The following SDK1 variants were observed in gnomAD, a reference collection of about 807,000 sequenced individuals.
SDK1 encodes protein sidekick-1.
Under a neutral mutation model 245.5 loss-of-function variants are expected in SDK1, and 157 were observed. The ratio of observed to expected loss-of-function variants is 0.64; its 90% CI spans 0.56 to 0.73. SDK1 has a LOEUF of 0.73. SDK1 is among the 30% of genes least tolerant of loss of function. SDK1 has a pLI of 0.00. For missense variants in SDK1, 3,583 were observed against 3,002.3 expected, an observed-to-expected ratio of 1.19 and a Z score of -4.52; for synonymous variants, 1,647 against 1,278.5, an observed-to-expected ratio of 1.29 and a Z score of -6.15.
rs748321155 is a variant in SDK1, at chr7:3,987,274, G to C, written c.2083G>C (p.Asp695His). The change falls in exon 14 of 45, where the codon GAT becomes CAT. Residue 695 changes from aspartate (D) to histidine (H), a missense_variant. By Grantham distance (81) the Asp-to-His change is moderately conservative (BLOSUM62 -1). Coordinates refer to ENST00000404826, the MANE Select transcript of SDK1 (RefSeq NM_152744.4). ...AVVLSWVRPF[D>H]GNSPILYYIV... is the part of the protein sequence containing the mutation. The stretch of plus-strand genomic sequence containing the variant: ...GGTGCTCTCTTGGGTCCGGCCCTTT[G>C]ATGGAAACAGTCCTATTCTTTATTA... 3.1e-6 allele frequency: 5 copies of C among 1,614,028 alleles called. No homozygotes were observed. In the African/African-American group the frequency reaches 4.0e-5, roughly 13 times the overall value.
chr7:3,752,688 TA>T (rs1779808217), intron 4 of SDK1, among the ~76,000 whole-genome samples: 4 of 152,208 alleles, frequency 2.6e-5, no homozygotes, highest in Admixed American at 2.0e-4. Context: ...CCTCAATTCT[TA>T]AAACTCCGTG....
At chr7:3,436,316 A>G (rs1780020661) in intron 1 of SDK1, among the ~76,000 whole-genome samples, 1 of 152,196 alleles carries the variant, frequency 6.6e-6, no homozygotes, top group Non-Finnish European at 1.5e-5. Flanking sequence ...TGATTACGAA[A>G]TAATTGATTA....
intron 25 of SDK1, among the ~76,000 whole-genome samples, chr7:4,123,472 G>A (rs924878443): frequency 2.0e-5 from 3 of 152,138 alleles, no homozygotes; most frequent in Admixed American, 1.3e-4. Flanking sequence ...TGGGAGCTCT[G>A]TGCAGGCCCA....
intron 5 of SDK1, among the ~76,000 whole-genome samples, chr7:3,844,693 A>C (rs539185434): frequency 1.8e-4 from 27 of 152,362 alleles, no homozygotes; most frequent in Admixed American, 1.6e-3. Flanking sequence ...ACTTAATGTA[A>C]TACAGACAGC....
intron 1 of SDK1, among the ~76,000 whole-genome samples, chr7:3,559,355 C>T (rs1385865949): frequency 6.6e-6 from 1 of 152,070 alleles, no homozygotes; most frequent in South Asian, 2.1e-4. Context: ...GGTTATGCAG[C>T]ATGGTGTTTA....
At chr7:4,000,417 G>A (rs964591065) in intron 14 of SDK1, among the ~76,000 whole-genome samples, 1 of 152,148 alleles carries the variant, frequency 6.6e-6, no homozygotes, top group South Asian at 2.1e-4. Flanking sequence ...TTTGGAGCAC[G>A]TTCTCTGAGT....
At chr7:4,088,667 G>A (rs571715257) in intron 22 of SDK1, among the ~76,000 whole-genome samples, 3 of 151,992 alleles carry the variant, frequency 2.0e-5, no homozygotes, top group Non-Finnish European at 2.9e-5. Flanking sequence ...GGTTCACACT[G>A]CCCTTCTGTT....
chr7:4,001,567 T>C (rs1012547974), intron 14 of SDK1, among the ~76,000 whole-genome samples: 2 of 152,238 alleles, frequency 1.3e-5, no homozygotes, highest in Non-Finnish European at 2.9e-5. Context: ...GTTTCATGTA[T>C]TTCTAAATGT....
intron 38 of SDK1, 55 bp downstream of exon 38, chr7:4,210,217 C>A: frequency 6.9e-7 from 1 of 1,440,058 alleles, no homozygotes; most frequent in Non-Finnish European, 9.2e-7. Context: ...GCCCAGCCCT[C>A]TGCAGTCTAC....
chr7:4,250,349 ATT>A (rs367949654), intron 44 of SDK1, among the ~76,000 whole-genome samples: 2 of 146,452 alleles, frequency 1.4e-5, no homozygotes, highest in South Asian at 2.2e-4. Context: ...CAGAAGTGTA[ATT>A]TTTTTTTTTT....
chr7:3,368,706 C>T (rs1781151112), intron 1 of SDK1, among the ~76,000 whole-genome samples: 1 of 152,298 alleles, frequency 6.6e-6, no homozygotes, highest in African/African-American at 2.4e-5. Context: ...AGCATCAGGA[C>T]ACTGTCTGTG....
intron 25 of SDK1, among the ~76,000 whole-genome samples, chr7:4,122,854 A>G (rs753448706): frequency 7.2e-5 from 11 of 152,200 alleles, no homozygotes; most frequent in South Asian, 2.1e-4. Flanking sequence ...TTCTTTTTCA[A>G]TTCTTGAAAA....
intron 11 of SDK1, among the ~76,000 whole-genome samples, chr7:3,970,046 T>C (rs1197438858): frequency 6.6e-6 from 1 of 152,240 alleles, no homozygotes; most frequent in Non-Finnish European, 1.5e-5. Context: ...AGCTTAAGGA[T>C]TGGACCAAAT....
intron 4 of SDK1, among the ~76,000 whole-genome samples, chr7:3,787,414 A>G (rs1264132908): frequency 6.6e-6 from 1 of 152,228 alleles, no homozygotes; most frequent in Non-Finnish European, 1.5e-5. Context: ...AGCTGATCAC[A>G]CTGGAGCCTT....
intron 1 of SDK1, among the ~76,000 whole-genome samples, chr7:3,395,563 A>G (rs1312431033): frequency 6.6e-6 from 1 of 151,982 alleles, no homozygotes; most frequent in East Asian, 1.9e-4. Context: ...TTTGTGGAGT[A>G]TTAATATTAT....
At chr7:3,729,257 T>G (rs1469234763) in intron 4 of SDK1, among the ~76,000 whole-genome samples, 2 of 152,222 alleles carry the variant, frequency 1.3e-5, no homozygotes, top group East Asian at 3.8e-4. Flanking sequence ...ATTTAGATAT[T>G]CAGGTTTGGG....
Position 4,175,774 on chromosome 7 carries a change from G to C in SDK1, c.4937-1G>C. The stretch of plus-strand genomic sequence containing the variant: ...CCTTTCTGCTTTGCTTACCCCAATA[G>C]CCCAAAGCAGCTTCAAGACGGTGAA... On this transcript the variant is annotated splice_acceptor_variant, in intron 33 of 44. Coordinates refer to ENST00000404826, the MANE Select transcript of SDK1 (RefSeq NM_152744.4). LOFTEE classifies it high-confidence loss of function. 1 of 1,613,710 alleles carries C rather than the reference G, an allele frequency of 6.2e-7. No individual in the cohort carries two copies. The highest frequency in any genetic ancestry group is 1.1e-5 in the South Asian group (1 of 91,078).
intron 4 of SDK1, among the ~76,000 whole-genome samples, chr7:3,776,254 G>T (rs1780558064): frequency 6.6e-6 from 1 of 152,214 alleles, no homozygotes; most frequent in Non-Finnish European, 1.5e-5. Flanking sequence ...TGTCAATTTG[G>T]TGTGCAAAGG....
chr7:3,352,044 GA>G (rs1359833568), intron 1 of SDK1, among the ~76,000 whole-genome samples: 1 of 151,458 alleles, frequency 6.6e-6, no homozygotes, highest in Admixed American at 6.6e-5. Flanking sequence ...CGGAATTATA[GA>G]AGGAATCAAC....
Sources: gnomAD v4.1 joint callset for allele counts (sites outside exome capture counted in the v4.1 genomes callset) on GRCh38, gnomAD v4.1.1 for gene constraint, MANE v1.5 for transcripts, NCBI Gene and HGNC (gene_info 2026-07-23, HGNC 2026-07-21) for gene names.